The following PCDH15 variants were observed in gnomAD, a reference collection of about 807,000 sequenced individuals.
PCDH15 encodes the protein protocadherin-15.
A neutral mutation model predicts 178.5 loss-of-function variants in PCDH15; 129 were observed. The observed-to-expected ratio is 0.72, with a 90% CI of 0.63 to 0.84. The LOEUF (loss-of-function observed/expected upper bound fraction) is 0.84, where lower values mean the gene tolerates loss of function less well. Among genes scored for constraint, PCDH15 ranks in the 40% least tolerant of loss-of-function variants. The probability of loss-of-function intolerance (pLI) is 0.00; values close to 1 mark genes in which losing one functional copy is unlikely to be tolerated. For synonymous variants in PCDH15, 800 were observed against 732.0 expected (o/e 1.09, Z -1.50); for missense variants, 2,230 against 2,099.9 (o/e 1.06, Z -1.21).
chr10:55,066,177 A>C (rs1052886388), intron 2 of PCDH15, among the ~76,000 whole-genome samples: 1 of 151,368 alleles, frequency 6.6e-6, no homozygotes, highest in East Asian at 1.9e-4. Context: ...TTTTCTTAAC[A>C]GCAGTTCTCT....
chr10:54,156,375 G>A (rs1038265077), intron 13 of PCDH15, among the ~76,000 whole-genome samples: 6 of 152,214 alleles, frequency 3.9e-5, no homozygotes, highest in Middle Eastern at 3.4e-3. Flanking sequence ...GGAATTCCAC[G>A]TGGGTAGGGA....
chr10:54,909,205 A>G (rs1160833756), intron 2 of PCDH15, among the ~76,000 whole-genome samples: 2 of 152,148 alleles, frequency 1.3e-5, no homozygotes, highest in Non-Finnish European at 2.9e-5. Flanking sequence ...TGCGGGACAC[A>G]AAGCCCAGTC....
At chr10:55,107,788 C>T (rs1351952110) in intron 2 of PCDH15, among the ~76,000 whole-genome samples, 1 of 151,760 alleles carries the variant, frequency 6.6e-6, no homozygotes, top group Non-Finnish European at 1.5e-5. Flanking sequence ...TGAATCACCA[C>T]ATCCGGCCTT....
At chr10:53,996,401 C>G (rs892151116) in intron 20 of PCDH15, among the ~76,000 whole-genome samples, 1 of 152,028 alleles carries the variant, frequency 6.6e-6, no homozygotes, top group Non-Finnish European at 1.5e-5. Flanking sequence ...TCCAATTTGG[C>G]GCTATATATG....
intron 2 of PCDH15, among the ~76,000 whole-genome samples, chr10:55,450,870 A>T (rs560869875): frequency 6.6e-6 from 1 of 151,090 alleles, no homozygotes; most frequent in Non-Finnish European, 1.5e-5. Context: ...CTGACACACA[A>T]ATGTTCTTCC....
intron 8 of PCDH15, among the ~76,000 whole-genome samples, chr10:54,316,560 ACACACACACACAC>A (rs749885543): frequency 1.4e-5 from 2 of 140,088 alleles, no homozygotes; most frequent in African/African-American, 5.7e-5. Flanking sequence ...ACACACACAC[ACACACACACACAC>A]ACAAATACAC....
intron 1 of PCDH15, among the ~76,000 whole-genome samples, chr10:54,722,604 A>G (rs566474241): frequency 6.6e-6 from 1 of 151,088 alleles, no homozygotes; most frequent in South Asian, 2.1e-4. Context: ...ATGTCAAATT[A>G]TCTCTGTTAA....
intron 3 of PCDH15, among the ~76,000 whole-genome samples, chr10:54,882,519 T>G (rs907126436): frequency 6.6e-6 from 1 of 152,048 alleles, no homozygotes; most frequent in Non-Finnish European, 1.5e-5. Flanking sequence ...AAAAGTAAAT[T>G]TTATCACTCC....
At chr10:53,807,631 C>A (rs2132357399) in intron 37 of PCDH15, among the ~76,000 whole-genome samples, 1 of 152,040 alleles carries the variant, frequency 6.6e-6, no homozygotes, top group Admixed American at 6.6e-5. Context: ...TAATTTAATG[C>A]ATTTTGTATA....
rs868562561 is a variant in PCDH15 at position 54,171,236 on chromosome 10, T to C, written c.1590+12208A>G. ...ATATTCAGTGAAACCTTTATATCCC[T>C]TACGGTCCTCCGTCTTCAAGAAAAG... On this transcript the variant is annotated intron_variant, in intron 13 of 37. Transcript: ENST00000644397. Among the ~76,000 whole-genome samples the C allele has an allele frequency of 6.7e-3, 1,012 of 152,134 alleles. 7 individuals carry two copies. Among genetic ancestry groups the C allele is most frequent in the African/African-American group, 0.023 (971 of 41,406 alleles).
intron 30 of PCDH15, among the ~76,000 whole-genome samples, chr10:53,830,130 C>T (rs202154850): frequency 3.2e-4 from 48 of 151,854 alleles, no homozygotes; most frequent in African/African-American, 1.0e-3. Context: ...GGTGAAACCC[C>T]GTCTCTACTA....
At chr10:54,046,565 C>T (rs2093659064) in intron 18 of PCDH15, among the ~76,000 whole-genome samples, 1 of 151,794 alleles carries the variant, frequency 6.6e-6, no homozygotes, top group Non-Finnish European at 1.5e-5. Flanking sequence ...CGAAAAAAGA[C>T]AAAACTAAAC....
intron 2 of PCDH15, among the ~76,000 whole-genome samples, chr10:55,049,929 T>C (rs1564748353): frequency 6.6e-6 from 1 of 152,024 alleles, no homozygotes. Context: ...TTTTAAAAAC[T>C]CTATCACTCC....
At chr10:54,470,560 A>C (rs1311832748) in intron 3 of PCDH15, among the ~76,000 whole-genome samples, 1 of 152,032 alleles carries the variant, frequency 6.6e-6, no homozygotes, top group Non-Finnish European at 1.5e-5. Flanking sequence ...CCCTTCCCAG[A>C]GCAATGCTCT....
intron 21 of PCDH15, among the ~76,000 whole-genome samples, chr10:53,968,886 C>A (rs1165261808): frequency 6.6e-6 from 1 of 152,056 alleles, no homozygotes; most frequent in South Asian, 2.1e-4. Context: ...TAGATAAAAC[C>A]ACAAAGATGG....
intron 10 of PCDH15, among the ~76,000 whole-genome samples, chr10:54,197,980 C>T (rs7914660): frequency 6.6e-6 from 1 of 152,038 alleles, no homozygotes; most frequent in African/African-American, 2.4e-5. Context: ...AGTAATATTA[C>T]ATAGTTTACC....
chr10:53,932,760 T>G (rs893915027), intron 25 of PCDH15, among the ~76,000 whole-genome samples: 1 of 152,188 alleles, frequency 6.6e-6, no homozygotes, highest in African/African-American at 2.4e-5. Flanking sequence ...GGTTTTGGTC[T>G]AGGTTCTGCT....
intron 14 of PCDH15, among the ~76,000 whole-genome samples, chr10:54,140,790 C>A (rs568114927): frequency 6.6e-5 from 10 of 152,126 alleles, no homozygotes; most frequent in African/African-American, 2.4e-4. Flanking sequence ...TCAAGCAATT[C>A]CCCTGCCTCA....
intron 3 of PCDH15, among the ~76,000 whole-genome samples, chr10:54,457,273 C>G (rs898876847): frequency 6.6e-6 from 1 of 152,094 alleles, no homozygotes; most frequent in African/African-American, 2.4e-5. Context: ...CAGCCCTCCT[C>G]AAAAATGTAT....
Sources: gnomAD v4.1 joint callset for allele counts (sites outside exome capture counted in the v4.1 genomes callset) on GRCh38, gnomAD v4.1.1 for gene constraint, MANE v1.5 for transcripts, NCBI Gene and HGNC (gene_info 2026-07-23, HGNC 2026-07-21) for gene names.